Variants in GALNT17 observed in about 807,000 individuals in gnomAD.
GALNT17 encodes the protein UDP-GalNAc:polypeptide N-acetylgalactosaminyltransferase-like 3.
A neutral mutation model predicts 63.7 loss-of-function variants in GALNT17; 29 were observed. The observed-to-expected ratio is 0.46, with a 90% confidence interval of 0.34 to 0.62. GALNT17 has a LOEUF of 0.62. Ranked by LOEUF, GALNT17 falls within the 20% of genes least tolerant of loss-of-function variation. The pLI, the probability that GALNT17 is intolerant of heterozygous loss-of-function variation, is 0.01. For missense variants in GALNT17, 603 were observed against 799.6 expected (o/e 0.75, Z 2.97); for synonymous variants, 305 against 318.3 (o/e 0.96, Z 0.45).
chr7:71,190,258 C>G (rs1262592311), intron 1 of GALNT17, among the ~76,000 whole-genome samples: 4 of 152,138 alleles, frequency 2.6e-5, no homozygotes, highest in Admixed American at 6.5e-5. Flanking sequence ...AAATGTAATA[C>G]CAATGCTGGA....
chr7:71,178,332 A>G (rs562506478), intron 1 of GALNT17, among the ~76,000 whole-genome samples: 2 of 152,116 alleles, frequency 1.3e-5, no homozygotes, highest in African/African-American at 4.8e-5. Context: ...GCTGTTTTCA[A>G]GATTTTAACT....
Position 71,701,900 on chromosome 7 carries a change from T to C in GALNT17, c.1501-8861T>C, listed in dbSNP as rs1045279909. Among the ~76,000 whole-genome samples, 26 of 114,248 alleles carry C rather than the reference T, an allele frequency of 2.3e-4. 1 individual carries two copies. Among genetic ancestry groups the C allele is most frequent in the East Asian group, 6.4e-4 (3 of 4,686 alleles). 75.0% of individuals were successfully genotyped at this position (114,248 alleles called of 152,430 possible). ...ATATATGTATATATATATATACACA[T>C]ATATATATATACATATATATATGTA... is the stretch of plus-strand genomic sequence containing the variant. On this transcript the variant is annotated intron_variant, in intron 9 of 10. Coordinates refer to ENST00000333538, the MANE Select transcript of GALNT17 (RefSeq NM_022479.3).
At chr7:71,514,978 G>A (rs1788422596) in intron 5 of GALNT17, among the ~76,000 whole-genome samples, 1 of 152,166 alleles carries the variant, frequency 6.6e-6, no homozygotes, top group East Asian at 1.9e-4. Context: ...AGATCTGATG[G>A]TTTTATAAGG....
chr7:71,148,893 T>TATATATAG (rs60037661), intron 1 of GALNT17, among the ~76,000 whole-genome samples: 3 of 144,610 alleles, frequency 2.1e-5, no homozygotes, highest in Non-Finnish European at 4.5e-5. Context: ...TATATATATA[T>TATATATAG]GTATACCATA....
At chr7:71,699,801 C>T (rs1791603193) in intron 9 of GALNT17, among the ~76,000 whole-genome samples, 1 of 150,768 alleles carries the variant, frequency 6.6e-6, no homozygotes, top group South Asian at 2.1e-4. Context: ...GGTGTTATGG[C>T]ATGCACCTGT....
At chr7:71,155,944 C>A (rs542192097) in intron 1 of GALNT17, among the ~76,000 whole-genome samples, 1 of 151,970 alleles carries the variant, frequency 6.6e-6, no homozygotes, top group Admixed American at 6.5e-5. Context: ...TGCCTGTAAT[C>A]CCAGCACTTT....
At chr7:71,413,944 T>C (rs1793477843) in intron 3 of GALNT17, among the ~76,000 whole-genome samples, 1 of 152,068 alleles carries the variant, frequency 6.6e-6, no homozygotes, top group Non-Finnish European at 1.5e-5. Flanking sequence ...CCCTAGACTT[T>C]ATAAATCATT....
At chr7:71,269,196 G>A (rs1790542855) in intron 1 of GALNT17, among the ~76,000 whole-genome samples, 1 of 152,180 alleles carries the variant, frequency 6.6e-6, no homozygotes, top group Admixed American at 6.5e-5. Flanking sequence ...CAGGCATCAT[G>A]GCTCATGCCT....
chr7:71,271,190 T>G (rs1049238209), intron 1 of GALNT17, among the ~76,000 whole-genome samples: 2 of 152,238 alleles, frequency 1.3e-5, no homozygotes, highest in African/African-American at 4.8e-5. Flanking sequence ...CAATACTTCC[T>G]GCTTTTGGGT....
rs1483841031 is a variant in GALNT17 at position 71,571,279 on chromosome 7, C to G, written c.963-6C>G. 1 of 1,613,664 alleles carries G rather than the reference C, an allele frequency of 6.2e-7. No individual in the cohort carries two copies. The highest frequency in any genetic ancestry group is 8.5e-7 in the Non-Finnish European group (1 of 1,179,632). ...AATGAGCTTCCCTTCTTTCTCCCTC[C>G]CTCAGGACCCCAGCCATGATAGGCT... On this transcript the variant is annotated splice_region_variant and splice_polypyrimidine_tract_variant and intron_variant, in intron 5 of 10. Coordinates refer to ENST00000333538, the MANE Select transcript of GALNT17 (RefSeq NM_022479.3).
chr7:71,490,916 G>T (rs528859061), intron 5 of GALNT17, among the ~76,000 whole-genome samples: 35 of 152,084 alleles, frequency 2.3e-4, no homozygotes, highest in Middle Eastern at 3.4e-3. Context: ...AAAAATGACT[G>T]GGCGTGGTGG....
chr7:71,183,743 C>T (rs1420490172), intron 1 of GALNT17, among the ~76,000 whole-genome samples: 1 of 151,996 alleles, frequency 6.6e-6, no homozygotes, highest in African/African-American at 2.4e-5. Context: ...CGAAAAATAA[C>T]AAAAATTAGC....
chr7:71,282,699 C>A (rs909491387), intron 1 of GALNT17, among the ~76,000 whole-genome samples: 3 of 145,636 alleles, frequency 2.1e-5, no homozygotes, highest in Non-Finnish European at 4.5e-5. Context: ...CAAGGGAGGG[C>A]TGTGGGTGGG....
At chr7:71,321,902 C>CCTTCCTTCCTTCCTTT (rs1554353220) in intron 1 of GALNT17, among the ~76,000 whole-genome samples, 5,496 of 69,982 alleles carry the variant, frequency 0.079, 469 homozygotes, top group Non-Finnish European at 0.1. Flanking sequence ...TTCCTTCCTT[C>CCTTCCTTCCTTCCTTT]CTTCCTTCCT....
intron 5 of GALNT17, among the ~76,000 whole-genome samples, chr7:71,453,506 A>C (rs750538473): frequency 2.0e-5 from 3 of 152,194 alleles, no homozygotes; most frequent in African/African-American, 4.8e-5. Flanking sequence ...AGATCTCATG[A>C]GACTTATTCA....
At chr7:71,506,973 G>A (rs1000440920) in intron 5 of GALNT17, among the ~76,000 whole-genome samples, 1 of 152,242 alleles carries the variant, frequency 6.6e-6, no homozygotes. Context: ...AGAGGCTCAC[G>A]CCTATAATCC....
intron 1 of GALNT17, among the ~76,000 whole-genome samples, chr7:71,318,085 T>G (rs1248720402): frequency 6.6e-6 from 1 of 151,974 alleles, no homozygotes; most frequent in East Asian, 1.9e-4. Flanking sequence ...TTTTGTATTC[T>G]TTGTTGAGAT....
At chr7:71,196,534 G>T (rs1789052180) in intron 1 of GALNT17, among the ~76,000 whole-genome samples, 1 of 152,104 alleles carries the variant, frequency 6.6e-6, no homozygotes, top group African/African-American at 2.4e-5. Flanking sequence ...CTGAATTATT[G>T]ACCTGGGGGT....
intron 8 of GALNT17, among the ~76,000 whole-genome samples, chr7:71,676,649 G>A (rs1022100830): frequency 1.8e-4 from 27 of 152,200 alleles, no homozygotes; most frequent in Non-Finnish European, 2.8e-4. Context: ...CAAAGTGCTG[G>A]GATTACAGGC....
Sources: gnomAD v4.1 joint callset for allele counts (sites outside exome capture counted in the v4.1 genomes callset) on GRCh38, gnomAD v4.1.1 for gene constraint, MANE v1.5 for transcripts, NCBI Gene and HGNC (gene_info 2026-07-23, HGNC 2026-07-21) for gene names.